FRMD4A: variants seen among roughly 807,000 people sequenced by gnomAD.
FRMD4A encodes FERM domain-containing protein 4A.
FRMD4A carries 29 observed loss-of-function variants against 129.1 expected under a neutral mutation model. The observed-to-expected ratio is 0.22, with a 90% CI of 0.17 to 0.31. The LOEUF is 0.31. Among genes scored for constraint, FRMD4A ranks in the 10% least tolerant of loss-of-function variants. The pLI, the probability that FRMD4A is intolerant of heterozygous loss-of-function variation, is 1.00. For missense variants in FRMD4A, 1,272 were observed against 1,375.8 expected, an observed-to-expected ratio of 0.92 and a Z score of 1.19; for synonymous variants, 634 against 571.6, an observed-to-expected ratio of 1.11 and a Z score of -1.56.
chr10:13,856,163 T>C (rs1041294789), intron 3 of FRMD4A, among the ~76,000 whole-genome samples: 10 of 151,762 alleles, frequency 6.6e-5, no homozygotes, highest in Non-Finnish European at 1.0e-4. Flanking sequence ...ATAGATTGTG[T>C]GTGTATCTAT....
intron 3 of FRMD4A, among the ~76,000 whole-genome samples, chr10:13,856,238 G>A (rs974516157): frequency 6.7e-6 from 1 of 149,984 alleles, no homozygotes; most frequent in Non-Finnish European, 1.5e-5. Flanking sequence ...GTGTGTGTGT[G>A]TGTGTGTGTG....
chr10:14,102,802 C>T (rs911380475), intron 2 of FRMD4A, among the ~76,000 whole-genome samples: 2 of 149,814 alleles, frequency 1.3e-5, no homozygotes, highest in South Asian at 2.1e-4. Flanking sequence ...AAATGAATTG[C>T]GAAGAGAAGG....
At chr10:13,745,242 G>A (rs1045912310) in intron 9 of FRMD4A, among the ~76,000 whole-genome samples, 1 of 152,196 alleles carries the variant, frequency 6.6e-6, no homozygotes, top group Admixed American at 6.5e-5. Flanking sequence ...TGAAATATTA[G>A]AGCCAACATC....
chr10:13,852,996 C>A (rs958583487), intron 3 of FRMD4A, among the ~76,000 whole-genome samples: 2 of 152,148 alleles, frequency 1.3e-5, no homozygotes, highest in African/African-American at 4.8e-5. Flanking sequence ...GTTTGCTCCA[C>A]TTCTTGGAAT....
At chr10:13,679,505 A>ACACACACT (rs1419585076) in intron 15 of FRMD4A, among the ~76,000 whole-genome samples, 1 of 139,116 alleles carries the variant, frequency 7.2e-6, no homozygotes, top group Non-Finnish European at 1.5e-5. Context: ...ACACACACAC[A>ACACACACT]CACACAGTGT....
intron 2 of FRMD4A, among the ~76,000 whole-genome samples, chr10:14,306,241 A>T (rs1564453834): frequency 6.6e-6 from 1 of 152,242 alleles, no homozygotes; most frequent in Non-Finnish European, 1.5e-5. Flanking sequence ...TTCCTGTAGG[A>T]AATTATATAC....
intron 2 of FRMD4A, among the ~76,000 whole-genome samples, chr10:13,919,467 T>TAA (rs1426048191): frequency 6.6e-6 from 1 of 152,112 alleles, no homozygotes; most frequent in African/African-American, 2.4e-5. Context: ...TCACTGGACT[T>TAA]AAGAGTGTAG....
chr10:13,883,586 T>TG lies in FRMD4A; in HGVS notation c.46-24675dup, dbSNP rs2094571775. ...TGAGTATTTGGATATCTTTCCCAGT[T>TG]GGAAGTTGCAGATCTCTGCATGGCA... On this transcript the variant is annotated intron_variant, in intron 2 of 24. Transcript: ENST00000357447. 2.0e-5 allele frequency among the ~76,000 whole-genome samples: 3 copies of TG among 152,362 alleles called. No individual in the cohort carries two copies. The South Asian group carries it at 6.2e-4, about 32-fold the overall frequency.
intron 2 of FRMD4A, among the ~76,000 whole-genome samples, chr10:14,287,811 T>A (rs1346693858): frequency 6.6e-6 from 1 of 152,168 alleles, no homozygotes; most frequent in Non-Finnish European, 1.5e-5. Context: ...CTTGAGGCCT[T>A]TTTTGCAAAG....
chr10:13,648,045 G>A (rs953899007), intron 24 of FRMD4A: 1 of 152,170 alleles, frequency 6.6e-6, no homozygotes, highest in African/African-American at 2.4e-5. Flanking sequence ...AGAATCATCA[G>A]TCATCCCCAG....
intron 2 of FRMD4A, among the ~76,000 whole-genome samples, chr10:14,143,557 TG>T (rs1839937704): frequency 6.6e-6 from 1 of 152,236 alleles, no homozygotes; most frequent in Non-Finnish European, 1.5e-5. Context: ...ACAATGCGAA[TG>T]TATTTAATGC....
chr10:13,784,890 C>A (rs563357152), intron 5 of FRMD4A, among the ~76,000 whole-genome samples: 2 of 150,362 alleles, frequency 1.3e-5, no homozygotes, highest in South Asian at 4.2e-4. Context: ...ACTTGGGAGG[C>A]TGAGGCAGAA....
chr10:13,950,139 G>A (rs1332569596), intron 2 of FRMD4A, among the ~76,000 whole-genome samples: 1 of 152,210 alleles, frequency 6.6e-6, no homozygotes, highest in Non-Finnish European at 1.5e-5. Context: ...TGGTCCTGTG[G>A]AGATGAAAAA....
chr10:13,750,963 T>C (rs940298712), intron 8 of FRMD4A, among the ~76,000 whole-genome samples: 1 of 152,202 alleles, frequency 6.6e-6, no homozygotes, highest in Non-Finnish European at 1.5e-5. Flanking sequence ...CCCTGCGTCA[T>C]GGTAAGTTCC....
chr10:14,062,181 A>G (rs1264751868), intron 2 of FRMD4A, among the ~76,000 whole-genome samples: 1 of 152,252 alleles, frequency 6.6e-6, no homozygotes, highest in Non-Finnish European at 1.5e-5. Flanking sequence ...TACGTGGTTA[A>G]GTATTTCACT....
intron 2 of FRMD4A, among the ~76,000 whole-genome samples, chr10:14,291,101 A>G (rs1373821053): frequency 6.6e-6 from 1 of 152,132 alleles, no homozygotes; most frequent in Non-Finnish European, 1.5e-5. Context: ...TTCAAGTTAA[A>G]CCAGGGAATT....
rs547307584 is a variant in FRMD4A, at chr10:13,982,345, C to T, written c.46-123433G>A. Among the ~76,000 whole-genome samples the T allele has an allele frequency of 9.9e-5, 15 of 151,748 alleles. 1 individual carries two copies. Among genetic ancestry groups the T allele is most frequent in the South Asian group, 8.3e-4 (4 of 4,792 alleles). Reference sequence around the variant, plus strand: ...CAAAAAATAAAAAATTAGCTGGGCACGGTGGCATGCGCCTGTAATTCCAAC... The same window carrying T: ...CAAAAAATAAAAAATTAGCTGGGCATGGTGGCATGCGCCTGTAATTCCAAC... On this transcript the variant is annotated intron_variant, in intron 2 of 24. Coordinates refer to ENST00000357447, the MANE Select transcript of FRMD4A (RefSeq NM_018027.5).
chr10:14,018,210 G>A (rs181078003), intron 2 of FRMD4A, among the ~76,000 whole-genome samples: 1 of 151,686 alleles, frequency 6.6e-6, no homozygotes, highest in East Asian at 1.9e-4. Context: ...ACTTTGGAAG[G>A]CCGAGGCAGG....
chr10:14,273,322 T>A (rs1007962076), intron 2 of FRMD4A, among the ~76,000 whole-genome samples: 1 of 152,156 alleles, frequency 6.6e-6, no homozygotes, highest in Non-Finnish European at 1.5e-5. Flanking sequence ...CTTAGAGAGC[T>A]TGGGTGATTT....
Sources: gnomAD v4.1 joint callset for allele counts (sites outside exome capture counted in the v4.1 genomes callset) on GRCh38, gnomAD v4.1.1 for gene constraint, MANE v1.5 for transcripts, NCBI Gene and HGNC (gene_info 2026-07-23, HGNC 2026-07-21) for gene names.